Variants in SYDE2 observed in about 807,000 individuals in gnomAD.
SYDE2 encodes synapse defective Rho GTPase homolog 2, also known as rho GTPase-activating protein SYDE2.
SYDE2 carries 76 observed loss-of-function variants against 91.5 expected under a neutral mutation model. The ratio of observed to expected loss-of-function variants is 0.83; its 90% CI spans 0.69 to 1.01. SYDE2 has a LOEUF of 1.01. Ranked by LOEUF, SYDE2 falls within the 50% of genes least tolerant of loss-of-function variation. The pLI is 0.00. For synonymous variants in SYDE2, 513 were observed against 506.4 expected (o/e 1.01, Z -0.18); for missense variants, 1,364 against 1,367.7 (o/e 1.00, Z 0.04).
intron 3 of SYDE2, chr1:85,181,139 A>G (rs1294590373): frequency 1.6e-5 from 1 of 64,316 alleles, no homozygotes; most frequent in African/African-American, 5.7e-5. Flanking sequence ...AAGCTACTCC[A>G]TTTTTTTTTT....
chr1:85,169,577 G>C (rs1352939318), intron 4 of SYDE2, among the ~76,000 whole-genome samples: 1 of 152,082 alleles, frequency 6.6e-6, no homozygotes, highest in African/African-American at 2.4e-5. Context: ...AGAAAGCAAG[G>C]CATATTTATG....
intron 1 of SYDE2, 106 bp downstream of exon 1, chr1:85,200,146 C>G: frequency 1.3e-6 from 2 of 1,567,502 alleles, no homozygotes; most frequent in Non-Finnish European, 1.7e-6. Flanking sequence ...CGCCCGGTAA[C>G]GTACCTGTCG....
intron 1 of SYDE2, among the ~76,000 whole-genome samples, chr1:85,192,384 G>T (rs1218967966): frequency 6.6e-6 from 1 of 152,078 alleles, no homozygotes; most frequent in Non-Finnish European, 1.5e-5. Context: ...CTCTAGCCTG[G>T]GCAACAGAGT....
At chr1:85,166,679 A>T (rs984825042) in intron 5 of SYDE2, among the ~76,000 whole-genome samples, 3 of 152,222 alleles carry the variant, frequency 2.0e-5, no homozygotes, top group African/African-American at 7.2e-5. Context: ...AAAACAAGTC[A>T]AATATATGAA....
intron 2 of SYDE2, among the ~76,000 whole-genome samples, chr1:85,185,815 G>A (rs1230706853): frequency 1.3e-5 from 2 of 151,930 alleles, no homozygotes; most frequent in South Asian, 2.1e-4. Flanking sequence ...TAATTGCCCT[G>A]GCCAGAACTT....
At chr1:85,153,487 G>A (rs817405), downstream of SYDE2, 150,466 of 152,290 alleles carry the variant, frequency 0.99, 74,358 homozygotes, top group East Asian at 1. Flanking sequence ...TTGCCTGCTC[G>A]GCATCCAAAT....
downstream of SYDE2, chr1:85,153,384 G>A (rs573033787): frequency 6.6e-6 from 1 of 152,282 alleles, no homozygotes; most frequent in Admixed American, 6.5e-5. Context: ...TTGATGGCTG[G>A]GATATACAGG....
intron 4 of SYDE2, among the ~76,000 whole-genome samples, chr1:85,176,117 C>A (rs988489203): frequency 3.3e-5 from 5 of 150,964 alleles, no homozygotes; most frequent in African/African-American, 1.2e-4. Context: ...TAAGACAAAG[C>A]TTCACCAAGA....
intron 4 of SYDE2, 88 bp downstream of exon 4, chr1:85,178,058 A>T: frequency 8.9e-7 from 1 of 1,121,772 alleles, no homozygotes; most frequent in Non-Finnish European, 1.2e-6. Flanking sequence ...AAAACAAATT[A>T]AATTTCAGCT....
intron 2 of SYDE2, among the ~76,000 whole-genome samples, chr1:85,186,892 G>A (rs1658162639): frequency 6.6e-6 from 1 of 152,138 alleles, no homozygotes; most frequent in Non-Finnish European, 1.5e-5. Context: ...TTAAACGTTA[G>A]ACCTAAAACC....
rs755295832 is a variant in SYDE2 at position 85,164,607 on chromosome 1, TAA to T, written c.3002_3003del (p.Phe1001TyrfsTer2). 1.1e-5 allele frequency: 18 copies of T among 1,608,008 alleles called. No individual in the cohort carries two copies. Among genetic ancestry groups the T allele is most frequent in the Non-Finnish European group, 1.5e-5 (18 of 1,176,982 alleles). On this transcript the variant is annotated frameshift_variant, in exon 6 of 7. Coordinates refer to ENST00000341460, the MANE Select transcript of SYDE2 (RefSeq NM_032184.2). LOFTEE classifies it high-confidence loss of function. The stretch of plus-strand genomic sequence containing the variant: ...GCACTTGCAAGTTCTTCTGAATCAG[TAA>T]AGACTCTGTTGTTATGGGTGGAAGG... ...QEPSTHNNRV[F>X]TDSEELASAL...
chr1:85,157,544 G>A lies in SYDE2; in HGVS notation c.*1206C>T, dbSNP rs1036526605. ...ACAGGAGCAGATTTATTAAATCTAAGTCACCAGTGCAGAAATCTGGGTACT... is the reference window on the plus strand; with the variant it reads ...ACAGGAGCAGATTTATTAAATCTAAATCACCAGTGCAGAAATCTGGGTACT... On this transcript the variant is annotated 3_prime_UTR_variant, in exon 7 of 7. Coordinates refer to ENST00000341460, the MANE Select transcript of SYDE2 (RefSeq NM_032184.2). 1 of 152,086 alleles carries A rather than the reference G, an allele frequency of 6.6e-6. No homozygotes were observed. The highest frequency in any genetic ancestry group is 6.5e-5 in the Admixed American group (1 of 15,276). The allele number at this position is 152,086 out of a possible 1,614,324, so 9.4% of individuals were successfully genotyped here.
At chr1:85,184,460 T>G (rs574589070) in intron 2 of SYDE2, among the ~76,000 whole-genome samples, 2 of 152,268 alleles carry the variant, frequency 1.3e-5, no homozygotes, top group Admixed American at 6.5e-5. Context: ...TTAGGGCACA[T>G]CAACGCAGTT....
In SYDE2 at chr1:85,200,314, G is replaced by C. The variant is rs1658766353; in HGVS notation, c.683C>G (p.Ala228Gly). The C allele has an allele frequency of 6.2e-7, 1 of 1,613,880 alleles. No homozygotes were observed. Among genetic ancestry groups the C allele is most frequent in the Non-Finnish European group, 8.5e-7 (1 of 1,179,884 alleles). Residue 228 changes from alanine (A) to glycine (G), a missense_variant, in exon 1 of 7, where the codon GCT (alanine) becomes GGT (glycine). Physicochemically the swap from Ala to Gly is moderately conservative, Grantham distance 60. Transcript: ENST00000341460. ...GACACGGTTTTCACGCACTTTCAAA[G>C]CGCCCACATTTGGGGAGGCTGCCTG... ...GTQAASPNVGALKVRENRVLS... is the reference protein window; with the variant it reads ...GTQAASPNVGGLKVRENRVLS...
rs532686136 is a variant in SYDE2, at chr1:85,180,765, TAAC to T, written c.2544+1330_2544+1332del. Among the ~76,000 whole-genome samples, 12 of 152,228 alleles carry T rather than the reference TAAC, an allele frequency of 7.9e-5. No individual in the cohort carries two copies. In the South Asian group the frequency reaches 2.1e-3, roughly 26 times the overall value. ...AATGTTTTCTTGGCACTTAAAGTGGTAACAGTCTATATATACCTGCTCTTTCTA... is the reference window on the plus strand; with the variant it reads ...AATGTTTTCTTGGCACTTAAAGTGGTAGTCTATATATACCTGCTCTTTCTA... On this transcript the variant is annotated intron_variant, in intron 3 of 6. Coordinates refer to ENST00000341460, the MANE Select transcript of SYDE2 (RefSeq NM_032184.2).
Position 85,182,374 on chromosome 1 carries a change from A to AT in SYDE2, c.2267dup (p.Asn756LysfsTer16), listed in dbSNP as rs773691698. On this transcript the variant is annotated frameshift_variant, in exon 3 of 7. Transcript: ENST00000341460. LOFTEE classifies it high-confidence loss of function. ...CAACAGTTCCATGACAACAAACTCG[A>AT]TTTTTTCTTGGAGTGGGTTCCCAAC... 20 of 1,613,648 alleles carry AT rather than the reference A, an allele frequency of 1.2e-5. No homozygotes were observed. The East Asian group carries it at 2.2e-4, about 18-fold the overall frequency.
At chr1:85,155,451 C>T (rs2100637443), downstream of SYDE2, among the ~76,000 whole-genome samples, 2 of 151,506 alleles carry the variant, frequency 1.3e-5, 1 homozygote, top group South Asian at 4.2e-4. Context: ...CCAGTCCTGG[C>T]AACATAACAA....
chr1:85,182,921 AT>A lies in SYDE2; in HGVS notation c.1720del (p.Ile574PhefsTer16). 1 of 1,613,896 alleles carries A rather than the reference AT, an allele frequency of 6.2e-7. No individual in the cohort carries two copies. The highest frequency in any genetic ancestry group is 8.5e-7 in the Non-Finnish European group (1 of 1,179,818). On this transcript the variant is annotated frameshift_variant, in exon 3 of 7. Transcript: ENST00000341460. LOFTEE classifies it high-confidence loss of function. ...YNCREVHHTD[I>X]LPSGNTTTAA... ...GGTGGTTGTGTTCCCAGAGGGCAGA[AT>A]ATCAGTATGATGAACTTCTCGGCAG...
At chr1:85,172,924 A>G (rs1014022143) in intron 4 of SYDE2, among the ~76,000 whole-genome samples, 1 of 152,202 alleles carries the variant, frequency 6.6e-6, no homozygotes, top group Non-Finnish European at 1.5e-5. Context: ...AACCAGCCAA[A>G]CAGATTAGAG....
Sources: gnomAD v4.1 joint callset for allele counts (sites outside exome capture counted in the v4.1 genomes callset) on GRCh38, gnomAD v4.1.1 for gene constraint, MANE v1.5 for transcripts, NCBI Gene and HGNC (gene_info 2026-07-23, HGNC 2026-07-21) for gene names.